Variants in BCAS3 observed in about 807,000 individuals in gnomAD.
BCAS3 encodes the protein BCAS4/BCAS3 fusion.
Under a neutral mutation model 116.1 loss-of-function variants are expected in BCAS3, and 53 were observed. The ratio of observed to expected loss-of-function variants is 0.46; its 90% CI spans 0.37 to 0.57. The LOEUF (loss-of-function observed/expected upper bound fraction) is 0.57, where lower values mean the gene tolerates loss of function less well. BCAS3 is among the 20% of genes least tolerant of loss of function. The pLI, the probability that BCAS3 is intolerant of heterozygous loss-of-function variation, is 0.00. For missense variants in BCAS3, 917 were observed against 1,165.4 expected, an observed-to-expected ratio of 0.79 and a Z score of 3.10; for synonymous variants, 391 against 408.2, an observed-to-expected ratio of 0.96 and a Z score of 0.51.
chr17:60,790,567 CA>C (rs1471494305), intron 6 of BCAS3, among the ~76,000 whole-genome samples: 1 of 152,070 alleles, frequency 6.6e-6, no homozygotes, highest in Non-Finnish European at 1.5e-5. Flanking sequence ...ATTTGTTTAG[CA>C]GGAGTAATGG....
chr17:61,230,142 TACAC>T (rs58423435), intron 22 of BCAS3, among the ~76,000 whole-genome samples: 32,871 of 149,888 alleles, frequency 0.22, 4,831 homozygotes, highest in African/African-American at 0.43. Flanking sequence ...AGTGTGTGTA[TACAC>T]ACACACACAC....
intron 22 of BCAS3, among the ~76,000 whole-genome samples, chr17:61,164,253 A>C (rs922919505): frequency 1.1e-4 from 17 of 152,140 alleles, no homozygotes; most frequent in African/African-American, 3.9e-4. Context: ...TACTATGTTC[A>C]GGGTAGTTTT....
chr17:60,742,040 G>A (rs1423994782), intron 5 of BCAS3, among the ~76,000 whole-genome samples: 1 of 151,964 alleles, frequency 6.6e-6, no homozygotes, highest in Non-Finnish European at 1.5e-5. Flanking sequence ...TATTATAGCT[G>A]GTTCCAAGAA....
At chr17:61,096,312 G>A (rs1394847406) in intron 22 of BCAS3, among the ~76,000 whole-genome samples, 1 of 151,946 alleles carries the variant, frequency 6.6e-6, no homozygotes, top group Non-Finnish European at 1.5e-5. Context: ...TTTCTTTACA[G>A]CATATAGAGT....
rs1162749594 is a variant in BCAS3 at position 61,106,873 on chromosome 17, T to C, written c.2425+22309T>C. Among the ~76,000 whole-genome samples the C allele has an allele frequency of 6.6e-6, 1 of 152,168 alleles. No individual in the cohort carries two copies. Among genetic ancestry groups the C allele is most frequent in the East Asian group, 1.9e-4 (1 of 5,198 alleles). On this transcript the variant is annotated intron_variant, in intron 22 of 23. Transcript: ENST00000407086. This position sits in a 1 kb window ranked among gnomAD's most constrained non-coding sequence, Gnocchi z 4.2. ...ATAAATTCCTATATATAAATCTTTG[T>C]TGTTATCTGTGATTATTTGTTTAGG...
rs533868062 is a variant in BCAS3 at position 61,087,224 on chromosome 17, G to C, written c.2425+2660G>C. The C allele has an allele frequency of 1.9e-3, 1,914 of 985,466 alleles. 2 individuals carry two copies. The highest frequency in any genetic ancestry group is 2.2e-3 in the Non-Finnish European group (1,824 of 829,890). The allele number at this position is 985,466 out of a possible 1,614,324, so 61.0% of individuals were successfully genotyped here. A position where few individuals can be genotyped will look rare whatever the true frequency, so the allele number is the denominator to read the frequency against. Reference sequence around the variant, plus strand: ...TGCTTATCTGGAGGTTTCATTGCCTGTTACTTGGAGATACGACCAGTGTGG... The same window carrying C: ...TGCTTATCTGGAGGTTTCATTGCCTCTTACTTGGAGATACGACCAGTGTGG... On this transcript the variant is annotated intron_variant, in intron 22 of 23. Coordinates refer to ENST00000407086, the MANE Select transcript of BCAS3 (RefSeq NM_017679.5). This position sits in a 1 kb window ranked among gnomAD's most constrained non-coding sequence, Gnocchi z 4.6.
At chr17:60,920,863 C>T (rs1286501438) in intron 12 of BCAS3, among the ~76,000 whole-genome samples, 1 of 142,784 alleles carries the variant, frequency 7.0e-6, no homozygotes, top group Non-Finnish European at 1.5e-5. Context: ...GAGCAAGACT[C>T]CATCGCAAAC....
At chr17:60,903,599 C>T (rs1377355988) in intron 11 of BCAS3, among the ~76,000 whole-genome samples, 1 of 152,124 alleles carries the variant, frequency 6.6e-6, no homozygotes, top group South Asian at 2.1e-4. Context: ...GGGCGCATGC[C>T]GCCACGCCTG....
At chr17:60,756,566 AGC>A (rs1362666503) in intron 6 of BCAS3, among the ~76,000 whole-genome samples, 7 of 152,104 alleles carry the variant, frequency 4.6e-5, no homozygotes, top group Non-Finnish European at 8.8e-5. Flanking sequence ...TAACATAATT[AGC>A]TCCAGTTCCA....
chr17:60,987,646 T>A (rs535215726), intron 14 of BCAS3, among the ~76,000 whole-genome samples: 1 of 152,298 alleles, frequency 6.6e-6, no homozygotes, highest in South Asian at 2.1e-4. Context: ...ACATTTGGCA[T>A]GTAGAAATGC....
intron 10 of BCAS3, among the ~76,000 whole-genome samples, chr17:60,890,475 T>A (rs1791059132): frequency 6.6e-6 from 1 of 151,890 alleles, no homozygotes; most frequent in African/African-American, 2.4e-5. Context: ...AAAAAAAGAA[T>A]AATTTAATTT....
At chr17:61,062,743 A>G (rs2070194300) in intron 19 of BCAS3, among the ~76,000 whole-genome samples, 1 of 152,240 alleles carries the variant, frequency 6.6e-6, no homozygotes, top group Non-Finnish European at 1.5e-5. Context: ...CATTTAGTCC[A>G]TCCTAAAAAC....
chr17:61,369,254 G>C (rs1009163642), intron 23 of BCAS3, among the ~76,000 whole-genome samples: 1 of 152,204 alleles, frequency 6.6e-6, no homozygotes, highest in Admixed American at 6.5e-5. Flanking sequence ...GACAGAGGCT[G>C]CCCCAGCAGG....
intron 19 of BCAS3, among the ~76,000 whole-genome samples, chr17:61,060,483 GA>G (rs777200081): frequency 6.6e-6 from 1 of 151,274 alleles, no homozygotes; most frequent in Non-Finnish European, 1.5e-5. Context: ...TGTTATGTGG[GA>G]AAAAAAACCT....
At chr17:61,166,293 G>A (rs765537093) in intron 22 of BCAS3, among the ~76,000 whole-genome samples, 71 of 151,154 alleles carry the variant, frequency 4.7e-4, no homozygotes, top group Non-Finnish European at 7.7e-4. Context: ...AAGGCACTTC[G>A]TATCAGGCCC....
At position 61,278,095 on chromosome 17, in the gene BCAS3, G is replaced by A. The variant is rs1000234102; in HGVS notation, c.2426-90232G>A. Among the ~76,000 whole-genome samples the A allele has an allele frequency of 6.6e-6, 1 of 152,174 alleles. No homozygotes were observed. Among genetic ancestry groups the A allele is most frequent in the African/African-American group, 2.4e-5 (1 of 41,440 alleles). ...TGTGTAGCCCAGGCTGGAGTGAGGTGGTACAATCTTGGTTCACTGCAACCT... is the reference window on the plus strand; with the variant it reads ...TGTGTAGCCCAGGCTGGAGTGAGGTAGTACAATCTTGGTTCACTGCAACCT... On this transcript the variant is annotated intron_variant, in intron 22 of 23. Coordinates refer to ENST00000407086, the MANE Select transcript of BCAS3 (RefSeq NM_017679.5). This position sits in a 1 kb window ranked among gnomAD's most constrained non-coding sequence, Gnocchi z 5.8.
Position 60,832,652 on chromosome 17 carries a change from AT to A in BCAS3, c.476+24582del, listed in dbSNP as rs1446640119. On this transcript the variant is annotated intron_variant, in intron 7 of 23. Coordinates refer to ENST00000407086, the MANE Select transcript of BCAS3 (RefSeq NM_017679.5). The stretch of plus-strand genomic sequence containing the variant: ...TTTAGATTCCAAATGTAAAGAGGTT[AT>A]TTTTTATAATTGAGAAGAAACATTC... 3.3e-5 allele frequency among the ~76,000 whole-genome samples: 5 copies of A among 152,136 alleles called. No individual in the cohort carries two copies. The East Asian group carries it at 9.6e-4, about 29-fold the overall frequency.
chr17:60,686,415 G>T (rs113066734), intron 3 of BCAS3, among the ~76,000 whole-genome samples: 7,079 of 152,220 alleles, frequency 0.047, 582 homozygotes, highest in African/African-American at 0.16. Context: ...TGGACTGGTA[G>T]CAGCTTCTTT....
chr17:60,907,592 C>T (rs147632055), intron 11 of BCAS3, among the ~76,000 whole-genome samples: 20 of 152,246 alleles, frequency 1.3e-4, no homozygotes, highest in Admixed American at 8.5e-4. Flanking sequence ...CTCACACTTT[C>T]GTTATAGTCT....
Sources: allele counts gnomAD v4.1 joint callset (sites outside exome capture counted in the v4.1 genomes callset), GRCh38; gene constraint gnomAD v4.1.1; non-coding constraint Gnocchi (gnomAD v3.1); transcripts MANE v1.5; gene names NCBI Gene and HGNC (gene_info 2026-07-23, HGNC 2026-07-21).